Variants in HNRNPUL1 observed in about 807,000 individuals in gnomAD.
The protein encoded by HNRNPUL1 is heterogeneous nuclear ribonucleoprotein U like 1, also known as heterogeneous nuclear ribonucleoprotein U-like protein 1.
A neutral mutation model predicts 108.5 loss-of-function variants in HNRNPUL1; 14 were observed. The observed-to-expected ratio is 0.13, with a 90% confidence interval of 0.09 to 0.20. HNRNPUL1 has a LOEUF of 0.20. Ranked by LOEUF, HNRNPUL1 falls within the 10% of genes least tolerant of loss-of-function variation. HNRNPUL1 has a pLI of 1.00. For missense variants in HNRNPUL1, 804 were observed against 1,168.3 expected (o/e 0.69, Z 4.55); for synonymous variants, 422 against 445.2 (o/e 0.95, Z 0.66).
intron 3 of HNRNPUL1, among the ~76,000 whole-genome samples, chr19:41,273,334 G>A (rs987147850): frequency 8.7e-5 from 13 of 149,776 alleles, no homozygotes; most frequent in African/African-American, 3.2e-4. Context: ...TGCATGCAGT[G>A]CACTGCGACC....
At chr19:41,265,481 C>A in intron 1 of HNRNPUL1, 1 of 1,156,750 alleles carries the variant, frequency 8.6e-7, no homozygotes, top group East Asian at 2.9e-5. Flanking sequence ...CCCCATCTCT[C>A]TTCCGGGGCT....
chr19:41,266,938 G>A (rs184296888), intron 1 of HNRNPUL1, among the ~76,000 whole-genome samples: 13 of 152,318 alleles, frequency 8.5e-5, no homozygotes, highest in Admixed American at 5.2e-4. Flanking sequence ...AGGAGGGATC[G>A]TGGCAGGAAT....
rs550028009 is a variant in HNRNPUL1 at position 41,284,450 on chromosome 19, G to A, written c.999+3175G>A. Among the ~76,000 whole-genome samples, 56 of 152,248 alleles carry A rather than the reference G, an allele frequency of 3.7e-4. 2 individuals carry two copies. The South Asian group carries it at 1.0e-2, about 27-fold the overall frequency. ...GGAGGCCAAGGTGGGCAGATCGCTT[G>A]AGCCCAGGAGTTCAAGACCAGCTTG... On this transcript the variant is annotated intron_variant, in intron 7 of 14. Transcript: ENST00000392006.
At chr19:41,268,097 A>G in intron 1 of HNRNPUL1, 126 bp from the exon 2 acceptor site, 1 of 884,830 alleles carries the variant, frequency 1.1e-6, no homozygotes, top group Non-Finnish European at 1.7e-6. Flanking sequence ...TGCCATGAAT[A>G]GTTAATATTA....
chr19:41,279,081 A>G lies in HNRNPUL1; in HGVS notation c.791A>G (p.Asn264Ser), dbSNP rs750270062. 42 of 1,611,794 alleles carry G rather than the reference A, an allele frequency of 2.6e-5. No individual in the cohort carries two copies. The highest frequency in any genetic ancestry group is 1.9e-4 in the South Asian group (17 of 91,030). The part of the protein sequence containing the change: ...RGRVCFEMKI[N>S]EEISVKHLPS... ...CCTTTTGTCCTCTTTCCTCAGATCA[A>G]TGAGGAAATCTCCGTGAAGCACCTT... is the stretch of plus-strand genomic sequence containing the variant. The change falls in exon 6 of 15, where the codon AAT (asparagine) becomes AGT (serine). Residue 264 changes from asparagine (N) to serine (S), a missense_variant. Physicochemically the swap from Asn to Ser is conservative, Grantham distance 46. Transcript: ENST00000392006.
At position 41,292,294 on chromosome 19, in the gene HNRNPUL1, A is replaced by G. The variant is rs1486335566; in HGVS notation, c.1049A>G (p.Lys350Arg). 3 of 1,614,230 alleles carry G rather than the reference A, an allele frequency of 1.9e-6. No individual in the cohort carries two copies. The highest frequency in any genetic ancestry group is 2.2e-5 in the East Asian group (1 of 44,880). ...GAACTGTCTTTTACCAAGAATGGAAAGTGGATGGGCATTGCTTTCCGAATC... is the reference window on the plus strand; with the variant it reads ...GAACTGTCTTTTACCAAGAATGGAAGGTGGATGGGCATTGCTTTCCGAATC... ...DVELSFTKNG[K>R]WMGIAFRIQK... Residue 350 changes from lysine (K) to arginine (R), a missense_variant, in exon 8 of 15, where the codon AAG becomes AGG. This residue lies in a region of HNRNPUL1 where 174 missense variants were observed against 296.6 expected (regional missense o/e 0.59). Transcript: ENST00000392006. The surrounding 1 kb of genome is among the most constrained non-coding windows in gnomAD (Gnocchi z 4.1).
chr19:41,271,476 T>G (rs1163968373), intron 2 of HNRNPUL1, among the ~76,000 whole-genome samples: 1 of 151,994 alleles, frequency 6.6e-6, no homozygotes, highest in African/African-American at 2.4e-5. Flanking sequence ...TGGTCTGGGG[T>G]TGAATGCAGA....
chr19:41,292,265 C>T lies in HNRNPUL1; in HGVS notation c.1020C>T (p.Asp340=), dbSNP rs1239445321. Residue 340 remains aspartate, a synonymous_variant, in exon 8 of 15, where the codon GAC becomes GAT. Transcript: ENST00000392006. This position sits in a 1 kb window ranked among gnomAD's most constrained non-coding sequence, Gnocchi z 4.1. ...CCTAGGATTTTGAATGTGGAAATGA[C>T]GTGGAACTGTCTTTTACCAAGAATG... ...GCFADFECGN[D]VELSFTKNGK... The T allele has an allele frequency of 1.1e-5, 18 of 1,614,000 alleles. No individual in the cohort carries two copies. Among genetic ancestry groups the T allele is most frequent in the South Asian group, 4.4e-5 (4 of 91,090 alleles).
chr19:41,303,512 G>T (rs764930813), intron 12 of HNRNPUL1, among the ~76,000 whole-genome samples: 1 of 151,966 alleles, frequency 6.6e-6, no homozygotes, highest in South Asian at 2.1e-4. Context: ...GCACCACCAC[G>T]CCCGGCTAAT....
intron 11 of HNRNPUL1, 163 bp from the exon 12 acceptor site, chr19:41,302,502 A>G (rs768525715): frequency 2.1e-4 from 190 of 886,284 alleles, no homozygotes; most frequent in Non-Finnish European, 3.1e-4. Context: ...TACAGGCGTG[A>G]GCCACCGCGC....
chr19:41,279,055 C>T, intron 5 of HNRNPUL1, 22 bp from the exon 6 acceptor site: 3 of 1,581,272 alleles, frequency 1.9e-6, no homozygotes, highest in Non-Finnish European at 2.6e-6. Flanking sequence ...CAACCCTGAG[C>T]CCTTTTGTCC....
chr19:41,284,737 C>T (rs143483572), intron 7 of HNRNPUL1, among the ~76,000 whole-genome samples: 1,826 of 152,194 alleles, frequency 0.012, 11 homozygotes, highest in Admixed American at 0.016. Context: ...GTGGCTCACG[C>T]CTGTAATCCC....
intron 10 of HNRNPUL1, among the ~76,000 whole-genome samples, chr19:41,299,892 A>G (rs945186000): frequency 1.3e-5 from 2 of 152,116 alleles, no homozygotes; most frequent in African/African-American, 2.4e-5. Context: ...GACCACATCA[A>G]TGGCAGCTCA....
In HNRNPUL1 at chr19:41,294,763, C is replaced by G; in HGVS notation, c.1518+77C>G. The G allele has an allele frequency of 6.4e-7, 1 of 1,563,176 alleles. No homozygotes were observed. Among genetic ancestry groups the G allele is most frequent in the Non-Finnish European group, 8.8e-7 (1 of 1,138,186 alleles). ...ATGCCTGAGAATCTCCCTCTGGTCC[C>G]TTTCTTTTTTCCCCCGTAATGATGA... On this transcript the variant is annotated intron_variant, in intron 10 of 14. Coordinates refer to ENST00000392006, the MANE Select transcript of HNRNPUL1 (RefSeq NM_007040.6). The surrounding 1 kb of genome is among the most constrained non-coding windows in gnomAD (Gnocchi z 4.3).
chr19:41,305,526 CCTT>C (rs2037491042), intron 13 of HNRNPUL1, 147 bp from the exon 14 acceptor site: 4 of 956,346 alleles, frequency 4.2e-6, no homozygotes, highest in Non-Finnish European at 6.4e-6. Context: ...TGGCTCTCCT[CCTT>C]CTCAGCCCAC....
In HNRNPUL1 at chr19:41,303,952, T is replaced by A. The variant is rs761373851; in HGVS notation, c.1973-20T>A. 2.5e-5 allele frequency: 39 copies of A among 1,591,626 alleles called. No homozygotes were observed. In the Admixed American group the frequency reaches 6.6e-4, roughly 27 times the overall value. On this transcript the variant is annotated intron_variant, in intron 12 of 14. Coordinates refer to ENST00000392006, the MANE Select transcript of HNRNPUL1 (RefSeq NM_007040.6). ...CATTTGGGAATGATGGCGCCTTTCA[T>A]CTGGATTTCTCCAACACAGGTTTCA...
chr19:41,300,464 C>T (rs1425461391), intron 10 of HNRNPUL1, among the ~76,000 whole-genome samples: 2 of 152,106 alleles, frequency 1.3e-5, no homozygotes, highest in East Asian at 1.9e-4. Context: ...CTGCTGAGTT[C>T]CTGAGTTTCC....
chr19:41,290,055 G>A (rs915956986), intron 7 of HNRNPUL1, among the ~76,000 whole-genome samples: 1 of 152,092 alleles, frequency 6.6e-6, no homozygotes, highest in Non-Finnish European at 1.5e-5. Context: ...AGATGAACAG[G>A]CATGAGGGCC....
In HNRNPUL1 at chr19:41,268,311, A is replaced by C. The variant is rs1158350890; in HGVS notation, c.384A>C (p.Pro128=). The part of the protein sequence containing the change: ...QENESGYERR[P]LEMEQQQAYR... The stretch of plus-strand genomic sequence containing the variant: ...ACGAGTCAGGCTACGAGAGGAGACC[A>C]CTGGAAATGGAGCAGCAGCAGGCCT... Residue 128 remains proline, a synonymous_variant, in exon 2 of 15, where the codon CCA becomes CCC. Coordinates refer to ENST00000392006, the MANE Select transcript of HNRNPUL1 (RefSeq NM_007040.6). 1.9e-6 allele frequency: 3 copies of C among 1,613,934 alleles called. No individual in the cohort carries two copies. In the African/African-American group the frequency reaches 4.0e-5, roughly 22 times the overall value.
Sources: gnomAD v4.1 joint callset for allele counts (sites outside exome capture counted in the v4.1 genomes callset) on GRCh38, gnomAD v4.1.1 for gene constraint, gnomAD v4.1.1 regional missense constraint, Gnocchi (gnomAD v3.1) non-coding constraint, MANE v1.5 for transcripts, NCBI Gene and HGNC (gene_info 2026-07-23, HGNC 2026-07-21) for gene names.